Variants in SAMD5 observed in about 807,000 individuals in gnomAD.
SAMD5 encodes the protein sterile alpha motif domain containing 5, also known as sterile alpha motif domain-containing protein 5.
A neutral mutation model predicts 11.3 loss-of-function variants in SAMD5; 13 were observed. The observed-to-expected ratio is 1.15, with a 90% CI of 0.75 to 1.83. The LOEUF (loss-of-function observed/expected upper bound fraction) is 1.83. Among genes scored for constraint, SAMD5 ranks in the 40% most tolerant of loss-of-function variants. SAMD5 has a pLI of 0.00. For missense variants in SAMD5, 255 were observed against 239.1 expected (o/e 1.07, Z -0.44); for synonymous variants, 129 against 111.3 (o/e 1.16, Z -1.00).
At chr6:147,848,263 C>T in the SAMD5 span, among the ~76,000 whole-genome samples, 11 of 152,054 alleles carry the variant, frequency 7.2e-5, no homozygotes, top group African/African-American at 2.7e-4. Context: ...AGTGAAGGGG[C>T]GGTCTGGATG....
chr6:147,826,687 G>C, the SAMD5 span, among the ~76,000 whole-genome samples: 1 of 152,188 alleles, frequency 6.6e-6, no homozygotes, highest in Non-Finnish European at 1.5e-5. Flanking sequence ...TTCTTCCTTT[G>C]ATCATCATTC....
chr6:147,858,628 G>A, the SAMD5 span, among the ~76,000 whole-genome samples: 3 of 152,146 alleles, frequency 2.0e-5, no homozygotes, highest in Non-Finnish European at 4.4e-5. Flanking sequence ...TTGACTGGGT[G>A]GCCTAGAGAA....
At chr6:147,900,261 C>T in the SAMD5 span, among the ~76,000 whole-genome samples, 2 of 152,166 alleles carry the variant, frequency 1.3e-5, no homozygotes, top group African/African-American at 4.8e-5. Context: ...CGCTTCCATA[C>T]ACCAAAATGG....
At chr6:147,544,713 T>G (rs1384679401) in intron 1 of SAMD5, among the ~76,000 whole-genome samples, 1 of 152,198 alleles carries the variant, frequency 6.6e-6, no homozygotes, top group Admixed American at 6.5e-5. Flanking sequence ...GATGGTATAT[T>G]CTATATGATT....
At chr6:147,911,376 A>G in the SAMD5 span, among the ~76,000 whole-genome samples, 2 of 152,162 alleles carry the variant, frequency 1.3e-5, no homozygotes, top group Admixed American at 6.5e-5. Flanking sequence ...TATGAAGTTA[A>G]CACATCAGCT....
downstream of SAMD5, among the ~76,000 whole-genome samples, chr6:147,573,397 C>T (rs914549820): frequency 2.0e-5 from 3 of 152,174 alleles, no homozygotes; most frequent in African/African-American, 7.2e-5. Context: ...ATGCCAGATG[C>T]TTATAAAACC....
chr6:147,653,308 G>A (rs536941982), intron 1 of SAMD5, among the ~76,000 whole-genome samples: 13 of 152,154 alleles, frequency 8.5e-5, no homozygotes, highest in Non-Finnish European at 1.2e-4. Context: ...CTTATTATTT[G>A]TTTTTAATTC....
At chr6:147,924,435 A>G in the SAMD5 span, among the ~76,000 whole-genome samples, 1 of 152,174 alleles carries the variant, frequency 6.6e-6, no homozygotes, top group Non-Finnish European at 1.5e-5. Flanking sequence ...TCATATTACT[A>G]TTATTTGACA....
the SAMD5 span, among the ~76,000 whole-genome samples, chr6:147,890,489 G>C: frequency 6.6e-6 from 1 of 151,638 alleles, no homozygotes; most frequent in Admixed American, 6.6e-5. Flanking sequence ...TTCCCAAGTA[G>C]CTGGGACTAC....
the SAMD5 span, among the ~76,000 whole-genome samples, chr6:147,767,262 G>C: frequency 6.7e-6 from 1 of 149,808 alleles, no homozygotes; most frequent in Non-Finnish European, 1.5e-5. Context: ...AACACCTGTG[G>C]AGGAAGAAGG....
chr6:147,856,468 T>C, the SAMD5 span, among the ~76,000 whole-genome samples: 2 of 152,216 alleles, frequency 1.3e-5, no homozygotes, highest in African/African-American at 4.8e-5. Context: ...AGTCAAGAAG[T>C]TACAAAGTAG....
At chr6:147,793,441 A>G in the SAMD5 span, among the ~76,000 whole-genome samples, 1 of 152,228 alleles carries the variant, frequency 6.6e-6, no homozygotes, top group Non-Finnish European at 1.5e-5. Context: ...ATCCTGGAAC[A>G]GCAAAAGGAC....
At chr6:147,912,142 A>G in the SAMD5 span, among the ~76,000 whole-genome samples, 3 of 150,616 alleles carry the variant, frequency 2.0e-5, no homozygotes, top group African/African-American at 7.3e-5. Context: ...TTTTTTTTTT[A>G]TGCTGAATGT....
At chr6:147,678,489 G>A (rs539206587) in intron 1 of SAMD5, among the ~76,000 whole-genome samples, 3 of 152,202 alleles carry the variant, frequency 2.0e-5, no homozygotes, top group South Asian at 4.2e-4. Context: ...CAGATCACTC[G>A]CTGTAACATA....
At chr6:147,657,775 T>C (rs1233681135) in intron 1 of SAMD5, among the ~76,000 whole-genome samples, 2 of 152,174 alleles carry the variant, frequency 1.3e-5, no homozygotes, top group African/African-American at 4.8e-5. Flanking sequence ...AAGTTTCTTT[T>C]ATATGGGCAT....
At chr6:147,856,821 CGGGG>C in the SAMD5 span, among the ~76,000 whole-genome samples, 2 of 59,196 alleles carry the variant, frequency 3.4e-5, no homozygotes, top group African/African-American at 5.1e-5. Context: ...TCTGGGGGCG[CGGGG>C]GGGGGGGGAA....
At chr6:147,734,711 T>TAAAAAAAAAAAAAAAAAAAA (rs61482319) in intron 1 of SAMD5, among the ~76,000 whole-genome samples, 9 of 26,108 alleles carry the variant, frequency 3.4e-4, no homozygotes, top group African/African-American at 7.5e-4. Flanking sequence ...AGACTCCATC[T>TAAAAAAAAAAAAAAAAAAAA]AAAAAAAAAA....
intron 1 of SAMD5, among the ~76,000 whole-genome samples, chr6:147,726,338 G>C (rs1791626096): frequency 6.6e-6 from 1 of 152,094 alleles, no homozygotes; most frequent in African/African-American, 2.4e-5. Context: ...TGCTTTCTTT[G>C]CACCAGACAT....
intron 1 of SAMD5, among the ~76,000 whole-genome samples, chr6:147,660,097 T>C (rs534939961): frequency 7.2e-5 from 11 of 152,304 alleles, no homozygotes; most frequent in African/African-American, 2.4e-4. Context: ...GCACAGCTGA[T>C]GGGTCTTCTT....
Sources: gnomAD v4.1 joint callset for allele counts (sites outside exome capture counted in the v4.1 genomes callset) on GRCh38, gnomAD v4.1.1 for gene constraint, MANE v1.5 for transcripts, NCBI Gene and HGNC (gene_info 2026-07-23, HGNC 2026-07-21) for gene names.